Variants in ENTREP1 observed in about 807,000 individuals in gnomAD.
ENTREP1 encodes Friedreich ataxia region gene X123.
the ENTREP1 span, chr9:69,325,152 G>T: frequency 9.6e-7 from 1 of 1,037,214 alleles, no homozygotes; most frequent in Non-Finnish European, 1.2e-6. Context: ...CGGCAGCGGC[G>T]GCAGCAAGTG....
At chr9:69,356,734 G>A in the ENTREP1 span, among the ~76,000 whole-genome samples, 21 of 152,314 alleles carry the variant, frequency 1.4e-4, 1 homozygote, top group South Asian at 4.4e-3. Flanking sequence ...AAGGGGCATA[G>A]CAGATCTGGT....
the ENTREP1 span, among the ~76,000 whole-genome samples, chr9:69,339,350 A>T: frequency 6.6e-6 from 1 of 151,938 alleles, no homozygotes; most frequent in Non-Finnish European, 1.5e-5. Flanking sequence ...TACCATTATA[A>T]CTCATGCCAG....
chr9:69,349,577 A>C, the ENTREP1 span, among the ~76,000 whole-genome samples: 1 of 152,170 alleles, frequency 6.6e-6, no homozygotes, highest in Non-Finnish European at 1.5e-5. Flanking sequence ...GTCTATTCAG[A>C]TCCATTGCCC....
chr9:69,340,717 GCA>G, the ENTREP1 span, among the ~76,000 whole-genome samples: 8 of 112,086 alleles, frequency 7.1e-5, no homozygotes, highest in Non-Finnish European at 1.3e-4. Context: ...ATGTGTGTGT[GCA>G]TGCATGTGTG....
At chr9:69,392,185 C>T in the ENTREP1 span, 35 of 241,610 alleles carry the variant, frequency 1.4e-4, no homozygotes, top group Admixed American at 4.0e-4. Flanking sequence ...ACAGATCTGC[C>T]GGGCTGCTAT....
the ENTREP1 span, among the ~76,000 whole-genome samples, chr9:69,340,666 C>CATGTGTCTGTGCAT: frequency 9.2e-6 from 1 of 108,650 alleles, no homozygotes; most frequent in Non-Finnish European, 1.8e-5. Context: ...TGTGTGTGTG[C>CATGTGTCTGTGCAT]GTGTGTGTGT....
the ENTREP1 span, chr9:69,380,559 G>C: frequency 6.6e-6 from 1 of 152,216 alleles, no homozygotes; most frequent in Non-Finnish European, 1.5e-5. Context: ...TCGAGTTACT[G>C]TCATAAACAG....
the ENTREP1 span, among the ~76,000 whole-genome samples, chr9:69,378,698 G>A: frequency 1.3e-5 from 2 of 151,702 alleles, no homozygotes; most frequent in Admixed American, 6.6e-5. Context: ...GGTGGAGCTT[G>A]CAGTGAGCTG....
At chr9:69,361,729 T>C in the ENTREP1 span, among the ~76,000 whole-genome samples, 2 of 152,224 alleles carry the variant, frequency 1.3e-5, no homozygotes, top group Non-Finnish European at 1.5e-5. Flanking sequence ...CTTGTCAGTA[T>C]TATTTTGAGG....
the ENTREP1 span, among the ~76,000 whole-genome samples, chr9:69,350,753 G>C: frequency 1.3e-5 from 2 of 151,950 alleles, no homozygotes; most frequent in Non-Finnish European, 2.9e-5. Context: ...AGAATCCTGG[G>C]TTCAAAATAA....
the ENTREP1 span, among the ~76,000 whole-genome samples, chr9:69,384,971 G>A: frequency 0.33 from 50,755 of 151,744 alleles, 9,936 homozygotes; most frequent in Admixed American, 0.41. Context: ...GCTCAGGGTG[G>A]AGTGCAATGG....
At chr9:69,331,293 T>C in the ENTREP1 span, among the ~76,000 whole-genome samples, 27 of 152,334 alleles carry the variant, frequency 1.8e-4, no homozygotes, top group African/African-American at 6.5e-4. Context: ...TACAAGTTAA[T>C]GGATTAGCAA....
chr9:69,353,416 C>T, the ENTREP1 span, among the ~76,000 whole-genome samples: 1 of 152,316 alleles, frequency 6.6e-6, no homozygotes, highest in Non-Finnish European at 1.5e-5. Flanking sequence ...TTTGCTGTCT[C>T]TACATAAATA....
the ENTREP1 span, among the ~76,000 whole-genome samples, chr9:69,338,059 A>G: frequency 6.6e-6 from 1 of 152,216 alleles, no homozygotes; most frequent in African/African-American, 2.4e-5. Flanking sequence ...AAGTGTTTTT[A>G]GGCCCACAAG....
At chr9:69,333,452 G>A in the ENTREP1 span, among the ~76,000 whole-genome samples, 4 of 151,978 alleles carry the variant, frequency 2.6e-5, no homozygotes, top group African/African-American at 9.7e-5. Context: ...TTATAGGTGT[G>A]TGCCACCAAA....
the ENTREP1 span, among the ~76,000 whole-genome samples, chr9:69,337,092 G>C: frequency 1.6e-5 from 2 of 125,412 alleles, no homozygotes; most frequent in African/African-American, 6.1e-5. Flanking sequence ...TCAGCTTACC[G>C]CAACCTCTGC....
the ENTREP1 span, chr9:69,375,750 A>G: frequency 9.9e-6 from 16 of 1,613,220 alleles, no homozygotes; most frequent in Admixed American, 1.7e-5. Flanking sequence ...ACTTAGGTGA[A>G]GGCAAGATTT....
At chr9:69,374,647 T>C in the ENTREP1 span, among the ~76,000 whole-genome samples, 2 of 152,132 alleles carry the variant, frequency 1.3e-5, no homozygotes, top group African/African-American at 4.8e-5. Flanking sequence ...CATCATTTTT[T>C]AAAAAGCTCT....
the ENTREP1 span, among the ~76,000 whole-genome samples, chr9:69,333,868 T>G: frequency 2.0e-5 from 3 of 152,212 alleles, no homozygotes; most frequent in African/African-American, 7.2e-5. Flanking sequence ...GATACACACA[T>G]GCACACACAT....
Sources: allele counts gnomAD v4.1 joint callset (sites outside exome capture counted in the v4.1 genomes callset), GRCh38; gene constraint gnomAD v4.1.1; transcripts MANE v1.5; gene names NCBI Gene and HGNC (gene_info 2026-07-23, HGNC 2026-07-21).